Variants in ABI2 observed in about 807,000 individuals in gnomAD.
The protein encoded by ABI2 is abelson interactor 2.
In ABI2, 25 loss-of-function variants were observed where a neutral mutation model predicts 59.2. The ratio of observed to expected loss-of-function variants is 0.42; its 90% CI spans 0.31 to 0.59. The LOEUF is 0.59. ABI2 is among the 20% of genes least tolerant of loss of function. The probability of loss-of-function intolerance (pLI) is 0.14; values close to 1 mark genes in which losing one functional copy is unlikely to be tolerated. For synonymous variants in ABI2, 213 were observed against 235.5 expected (o/e 0.90, Z 0.87); for missense variants, 545 against 681.8 (o/e 0.80, Z 2.23).
chr2:203,411,806 G>A (rs2153514020), intron 10 of ABI2, among the ~76,000 whole-genome samples: 1 of 152,302 alleles, frequency 6.6e-6, no homozygotes, highest in East Asian at 1.9e-4. Context: ...CTGCCAGTCT[G>A]TCTCCCAAGA....
At chr2:203,343,450 T>G (rs2081279897) in intron 1 of ABI2, among the ~76,000 whole-genome samples, 1 of 149,920 alleles carries the variant, frequency 6.7e-6, no homozygotes, top group Admixed American at 6.6e-5. Context: ...ATATTCCAGG[T>G]TTTTTTTTCC....
At chr2:203,344,148 G>A (rs2081699240) in intron 1 of ABI2, among the ~76,000 whole-genome samples, 2 of 152,142 alleles carry the variant, frequency 1.3e-5, no homozygotes, top group Admixed American at 1.3e-4. Context: ...TTACTCCATA[G>A]TAAAGCTTAG....
chr2:203,357,501 T>A (rs2092436681), intron 1 of ABI2, among the ~76,000 whole-genome samples: 1 of 152,228 alleles, frequency 6.6e-6, no homozygotes, highest in South Asian at 2.1e-4. Flanking sequence ...ATCATTTGTT[T>A]TATTTCTAAA....
chr2:203,366,583 A>G (rs2094471164), intron 1 of ABI2, among the ~76,000 whole-genome samples: 1 of 152,144 alleles, frequency 6.6e-6, no homozygotes, highest in Non-Finnish European at 1.5e-5. Context: ...AGCAATATAT[A>G]CTTTGCTGCC....
intron 9 of ABI2, 36 bp downstream of exon 9, chr2:203,402,770 T>C: frequency 6.7e-7 from 1 of 1,484,320 alleles, no homozygotes; most frequent in Non-Finnish European, 9.0e-7. Context: ...CTATAGAATG[T>C]ATTTAATTAA....
intron 1 of ABI2, among the ~76,000 whole-genome samples, chr2:203,365,866 T>C (rs1300862975): frequency 6.6e-6 from 1 of 151,982 alleles, no homozygotes; most frequent in Non-Finnish European, 1.5e-5. Flanking sequence ...CCTGACCTCA[T>C]GATCTGCCCG....
chr2:203,415,151 T>C (rs1373432061), intron 10 of ABI2, among the ~76,000 whole-genome samples: 1 of 152,210 alleles, frequency 6.6e-6, no homozygotes, highest in African/African-American at 2.4e-5. Context: ...CATATCTATA[T>C]CTTTTGTTTA....
intron 1 of ABI2, among the ~76,000 whole-genome samples, chr2:203,350,773 C>T (rs1214726712): frequency 6.6e-6 from 1 of 151,876 alleles, no homozygotes; most frequent in Non-Finnish European, 1.5e-5. Flanking sequence ...CTCCTGACCT[C>T]ATGATCCACC....
chr2:203,428,214 C>T lies in ABI2; in HGVS notation c.*862C>T, dbSNP rs2098456173. ...GAACTGTGGAAATGCTCTTAGCAGG[C>T]ATCCCGAACCCCTGCTTCGGTGCTG... On this transcript the variant is annotated 3_prime_UTR_variant, in exon 12 of 12. Transcript: ENST00000261018. 3 of 152,618 alleles carry T rather than the reference C, an allele frequency of 2.0e-5. No individual in the cohort carries two copies. The highest frequency in any genetic ancestry group is 6.5e-5 in the Admixed American group (1 of 15,284). 9.5% of individuals were successfully genotyped at this position (152,618 alleles called of 1,614,324 possible).
At chr2:203,339,986 A>T (rs1055012646) in intron 1 of ABI2, among the ~76,000 whole-genome samples, 19 of 152,334 alleles carry the variant, frequency 1.2e-4, no homozygotes, top group Admixed American at 1.0e-3. Flanking sequence ...TAATCTGTAT[A>T]TTGGACCCAC....
At chr2:203,334,950 G>A (rs1336725039) in intron 1 of ABI2, among the ~76,000 whole-genome samples, 2 of 152,064 alleles carry the variant, frequency 1.3e-5, no homozygotes, top group East Asian at 1.9e-4. Context: ...GTAAGCCACC[G>A]TGCCTGGCCT....
intron 1 of ABI2, among the ~76,000 whole-genome samples, chr2:203,358,101 GTGTGTGTGTGTGTTTGTT>G (rs2092653382): frequency 6.8e-6 from 1 of 146,512 alleles, no homozygotes. Context: ...GTGTGTGTGT[GTGTGTGTGTGTGTTTGTT>G]TGTTTGTTTG....
At chr2:203,346,896 C>A (rs574840709) in intron 1 of ABI2, among the ~76,000 whole-genome samples, 2 of 152,122 alleles carry the variant, frequency 1.3e-5, no homozygotes, top group Non-Finnish European at 2.9e-5. Context: ...TAAACCTAGG[C>A]CCTTGTTTGT....
At chr2:203,377,866 A>G (rs1181796904) in intron 2 of ABI2, among the ~76,000 whole-genome samples, 1 of 152,220 alleles carries the variant, frequency 6.6e-6, no homozygotes, top group East Asian at 1.9e-4. Context: ...TGATCGGGCC[A>G]GTCCACTCCA....
intron 11 of ABI2, among the ~76,000 whole-genome samples, chr2:203,418,479 T>C (rs2098016002): frequency 6.6e-6 from 1 of 152,238 alleles, no homozygotes; most frequent in Non-Finnish European, 1.5e-5. Context: ...TCCTTGTGGG[T>C]TGTTGGCCTG....
chr2:203,379,005 T>C (rs2095910482), intron 2 of ABI2, among the ~76,000 whole-genome samples: 1 of 152,228 alleles, frequency 6.6e-6, no homozygotes, highest in Admixed American at 6.5e-5. Flanking sequence ...GCTGCTTACA[T>C]ACCACTAAAT....
At chr2:203,395,164 A>G (rs2096921689) in intron 6 of ABI2, 1 of 697,768 alleles carries the variant, frequency 1.4e-6, no homozygotes, top group African/African-American at 1.8e-5. Context: ...ATGAAAAACT[A>G]TACATAATAA....
At chr2:203,368,291 T>C (rs1273527111) in intron 2 of ABI2, among the ~76,000 whole-genome samples, 1 of 152,166 alleles carries the variant, frequency 6.6e-6, no homozygotes, top group Non-Finnish European at 1.5e-5. Flanking sequence ...GGTTTTGGTC[T>C]GCCTCCCTTT....
At chr2:203,330,233 C>T (rs1296918920) in intron 1 of ABI2, among the ~76,000 whole-genome samples, 1 of 151,866 alleles carries the variant, frequency 6.6e-6, no homozygotes, top group African/African-American at 2.4e-5. Flanking sequence ...AAACCTGTTC[C>T]TTCGAAAGAG....
Sources: gnomAD v4.1 joint callset for allele counts (sites outside exome capture counted in the v4.1 genomes callset) on GRCh38, gnomAD v4.1.1 for gene constraint, MANE v1.5 for transcripts, NCBI Gene and HGNC (gene_info 2026-07-23, HGNC 2026-07-21) for gene names.